The following F8 variants were observed in gnomAD, a reference collection of about 807,000 sequenced individuals.
F8 encodes antihemophilic factor.
In F8, 12 loss-of-function variants were observed where a neutral mutation model predicts 140.6. The observed-to-expected ratio is 0.09, with a 90% CI of 0.05 to 0.14. The LOEUF (loss-of-function observed/expected upper bound fraction) is 0.14. F8 is among the 10% of genes least tolerant of loss of function. The probability of loss-of-function intolerance (pLI) is 1.00; values close to 1 mark genes in which losing one functional copy is unlikely to be tolerated. For missense variants in F8, 1,354 were observed against 1,720.7 expected (o/e 0.79, Z 3.77); for synonymous variants, 585 against 614.6 (o/e 0.95, Z 0.71).
chrX:154,983,900 G>C (rs1557283979), intron 6 of F8, among the ~76,000 whole-genome samples: 1 of 112,169 alleles, frequency 8.9e-6, no homozygotes, highest in Non-Finnish European at 1.9e-5. Flanking sequence ...AGACAGTCAT[G>C]ATGTTTTCTG....
intron 25 of F8, among the ~76,000 whole-genome samples, chrX:154,838,786 C>A (rs2072494585): frequency 8.9e-6 from 1 of 111,800 alleles, no homozygotes; most frequent in African/African-American, 3.3e-5. Flanking sequence ...CACTGTGATC[C>A]TACAGAGAGT....
chrX:154,861,042 T>C (rs781826998), intron 24 of F8, among the ~76,000 whole-genome samples: 1 of 110,613 alleles, frequency 9.0e-6, no homozygotes, highest in African/African-American at 3.3e-5. Context: ...CCTTCTTTCC[T>C]TTCTTTCTCT....
intron 1 of F8, among the ~76,000 whole-genome samples, chrX:155,000,120 C>T (rs782611885): frequency 8.0e-5 from 9 of 112,314 alleles, no homozygotes; most frequent in African/African-American, 2.9e-4. Context: ...GAACCAGCTA[C>T]TGAATCAGAA....
intron 6 of F8, among the ~76,000 whole-genome samples, chrX:154,982,479 G>GTA: frequency 9.8e-6 from 1 of 101,990 alleles, no homozygotes; most frequent in Middle Eastern, 4.9e-3. Context: ...ATATATATAT[G>GTA]TATACACACT....
chrX:154,894,416 GC>G (rs1171702795), intron 22 of F8, among the ~76,000 whole-genome samples: 1 of 95,451 alleles, frequency 1.0e-5, no homozygotes, highest in African/African-American at 3.8e-5. Context: ...ACACTTGGAG[GC>G]CCTAAAATGA....
intron 18 of F8, among the ~76,000 whole-genome samples, chrX:154,902,566 G>A (rs2073015849): frequency 9.0e-6 from 1 of 111,565 alleles, no homozygotes; most frequent in Admixed American, 9.5e-5. Flanking sequence ...TGCCTACAAG[G>A]GTAAAGTTAC....
intron 18 of F8, among the ~76,000 whole-genome samples, chrX:154,902,712 C>T (rs1557276045): frequency 8.9e-6 from 1 of 111,751 alleles, no homozygotes; most frequent in Non-Finnish European, 1.9e-5. Flanking sequence ...AAAGAGTTCC[C>T]TGAAAGTGCC....
At chrX:154,961,322 A>C (rs2073394713) in intron 9 of F8, among the ~76,000 whole-genome samples, 154 bp from the exon 10 acceptor site, 2 of 111,685 alleles carry the variant, frequency 1.8e-5, no homozygotes, top group Non-Finnish European at 3.8e-5. Context: ...CTTTTCATGA[A>C]ATTGTTCCTT....
intron 20 of F8, among the ~76,000 whole-genome samples, chrX:154,900,423 G>A (rs28370220): frequency 0.17 from 18,918 of 109,700 alleles, 1,387 homozygotes; most frequent in African/African-American, 0.27. Context: ...TAGTAGAGAC[G>A]GAGTTTCACC....
At chrX:154,844,608 A>G (rs1218539848) in intron 25 of F8, among the ~76,000 whole-genome samples, 6 of 110,975 alleles carry the variant, frequency 5.4e-5, no homozygotes, top group African/African-American at 1.6e-4. Flanking sequence ...TTGTTGGTGT[A>G]TAAGAATGCT....
chrX:154,998,884 C>T (rs1421353874), intron 2 of F8, among the ~76,000 whole-genome samples: 2 of 111,566 alleles, frequency 1.8e-5, no homozygotes, highest in Non-Finnish European at 3.8e-5. Flanking sequence ...CAGTGTCTCC[C>T]AAGTTCCATA....
chrX:155,019,628 TAAAAAATATACA>T (rs1557287315), intron 1 of F8, among the ~76,000 whole-genome samples: 1 of 110,604 alleles, frequency 9.0e-6, no homozygotes, highest in African/African-American at 3.3e-5. Context: ...AACCCATCTC[TAAAAAATATACA>T]AAAATTTTCC....
intron 2 of F8, among the ~76,000 whole-genome samples, chrX:154,998,044 T>C (rs1487594232): frequency 8.9e-6 from 1 of 112,350 alleles, no homozygotes; most frequent in African/African-American, 3.2e-5. Context: ...AAACATAAAA[T>C]AGCCTTATTT....
In F8 at chrX:154,987,233, T is replaced by C; in HGVS notation, c.670+4A>G. On this transcript the variant is annotated splice_donor_region_variant and intron_variant, in intron 5 of 25. Transcript: ENST00000360256. ...ATCCAAAATTCAGATTAAGACTCAC[T>C]AACCTTCATCAAATACAGCAAAAAG... The C allele has an allele frequency of 8.3e-7, 1 of 1,203,974 alleles. No individual in the cohort carries two copies. Among genetic ancestry groups the C allele is most frequent in the Non-Finnish European group, 1.1e-6 (1 of 888,319 alleles).
chrX:154,857,986 A>C (rs1303533139), intron 25 of F8, among the ~76,000 whole-genome samples: 1 of 111,718 alleles, frequency 9.0e-6, no homozygotes, highest in African/African-American at 3.3e-5. Flanking sequence ...TAAAAATACA[A>C]AAATTAGCCA....
chrX:154,993,271 T>C (rs1439004404), intron 3 of F8, 123 bp from the exon 4 acceptor site: 1 of 599,501 alleles, frequency 1.7e-6, no homozygotes, highest in Non-Finnish European at 2.6e-6. Context: ...TTTGTTGTTG[T>C]TGTTGTTGTT....
intron 12 of F8, among the ~76,000 whole-genome samples, chrX:154,949,416 T>C (rs1229721991): frequency 1.8e-5 from 2 of 112,390 alleles, no homozygotes; most frequent in Non-Finnish European, 3.8e-5. Context: ...CTGTTCTGTA[T>C]TTGGTTCTGA....
chrX:154,962,653 C>T (rs1312385284), intron 9 of F8, among the ~76,000 whole-genome samples: 1 of 111,389 alleles, frequency 9.0e-6, no homozygotes, highest in South Asian at 3.8e-4. Context: ...ATCGTTTGAG[C>T]CCAGGACTTC....
rs782087528 is a variant in F8 at position 154,954,111 on chromosome X, T to G, written c.1753-69A>C. 2.7e-5 allele frequency: 29 copies of G among 1,066,565 alleles called. No individual in the cohort carries two copies. The African/African-American group carries it at 5.1e-4, about 19-fold the overall frequency. 87.9% of individuals were successfully genotyped at this position (1,066,565 alleles called of 1,213,427 possible). A position where few individuals can be genotyped will look rare whatever the true frequency, so the allele number is the denominator to read the frequency against. On this transcript the variant is annotated intron_variant, in intron 11 of 25. Transcript: ENST00000360256. ...TGTTGTCAGGTAGGAGCTAGCAGTC[T>G]ATGATGAAAGCGATGGCATGCATGT...
Sources: allele counts gnomAD v4.1 joint callset (sites outside exome capture counted in the v4.1 genomes callset), GRCh38; gene constraint gnomAD v4.1.1; transcripts MANE v1.5; gene names NCBI Gene and HGNC (gene_info 2026-07-23, HGNC 2026-07-21).